NTRK3: variants seen among roughly 807,000 people sequenced by gnomAD.
NTRK3 encodes NT-3 growth factor receptor.
NTRK3 carries 24 observed loss-of-function variants against 91.7 expected under a neutral mutation model. The observed-to-expected ratio is 0.26, with a 90% CI of 0.19 to 0.37. The LOEUF (loss-of-function observed/expected upper bound fraction) is 0.37, where lower values mean the gene tolerates loss of function less well. NTRK3 is among the 10% of genes least tolerant of loss of function. NTRK3 has a pLI of 1.00. For synonymous variants in NTRK3, 483 were observed against 404.0 expected (o/e 1.20, Z -2.34); for missense variants, 880 against 1,068.9 (o/e 0.82, Z 2.46).
chr15:88,037,119 A>C (rs1198144091), intron 13 of NTRK3, among the ~76,000 whole-genome samples: 2 of 152,256 alleles, frequency 1.3e-5, no homozygotes, highest in Non-Finnish European at 2.9e-5. Context: ...AAGATCACCC[A>C]GGAAGACCTG....
At chr15:87,860,899 G>A in exon 19 of NTRK3, 1 of 222,002 alleles carries the variant, frequency 4.5e-6, no homozygotes, top group Non-Finnish European at 9.0e-6. Flanking sequence ...CCAGTTGAAA[G>A]CACCTCAACT....
intron 3 of NTRK3, among the ~76,000 whole-genome samples, chr15:88,214,823 C>G (rs1389315229): frequency 6.6e-6 from 1 of 152,238 alleles, no homozygotes; most frequent in South Asian, 2.1e-4. Context: ...GCTGGGCACA[C>G]ATCTGCCCCT....
chr15:87,877,622 T>C (rs2065011195), intron 18 of NTRK3, among the ~76,000 whole-genome samples: 1 of 152,062 alleles, frequency 6.6e-6, no homozygotes, highest in Admixed American at 6.5e-5. Flanking sequence ...TTGCAGACTC[T>C]GTGCACGTCA....
chr15:87,862,774 T>C (rs2064561111), exon 19 of NTRK3: 1 of 229,502 alleles, frequency 4.4e-6, no homozygotes, highest in Non-Finnish European at 8.6e-6. Flanking sequence ...ATTGTGATTG[T>C]TTAAGGCAAA....
intron 17 of NTRK3, among the ~76,000 whole-genome samples, chr15:87,911,087 A>T (rs754584970): frequency 3.9e-5 from 6 of 152,146 alleles, no homozygotes; most frequent in Non-Finnish European, 8.8e-5. Context: ...AGTTGAAAGG[A>T]GGGAGAAATG....
At chr15:87,978,892 A>T in intron 14 of NTRK3, 1 of 278,272 alleles carries the variant, frequency 3.6e-6, no homozygotes, top group Non-Finnish European at 6.9e-6. Flanking sequence ...CGAGGTCACT[A>T]AGAGGACAGC....
intron 13 of NTRK3, among the ~76,000 whole-genome samples, chr15:88,062,831 AG>A (rs1195318181): frequency 1.3e-5 from 2 of 152,232 alleles, no homozygotes; most frequent in Non-Finnish European, 2.9e-5. Context: ...TGGGCTACTG[AG>A]GGTCAGCCCT....
intron 13 of NTRK3, among the ~76,000 whole-genome samples, chr15:88,082,827 T>C (rs1437319373): frequency 6.6e-6 from 1 of 152,176 alleles, no homozygotes; most frequent in African/African-American, 2.4e-5. Flanking sequence ...TTACCCCTGA[T>C]TTATCTGATT....
At position 88,024,547 on chromosome 15, in the gene NTRK3, A is replaced by G. The variant is rs181970055; in HGVS notation, c.1585+8310T>C. On this transcript the variant is annotated intron_variant, in intron 14 of 18. Coordinates refer to ENST00000394480, the Ensembl canonical transcript of NTRK3. ...AATGTCATGAGAGTGAGGGGCCAAG[A>G]CGACGCCAAGACAGAGCTACCAGGT... Among the ~76,000 whole-genome samples the G allele has an allele frequency of 2.2e-4, 33 of 152,306 alleles. 1 individual carries two copies. In the East Asian group the frequency reaches 6.2e-3, roughly 29 times the overall value.
Position 87,965,368 on chromosome 15 carries a change from T to A in NTRK3, c.1586-24615A>T, listed in dbSNP as rs533185419. 1.4e-4 allele frequency among the ~76,000 whole-genome samples: 22 copies of A among 152,356 alleles called. 1 individual carries two copies. The South Asian group carries it at 4.1e-3, about 29-fold the overall frequency. On this transcript the variant is annotated intron_variant, in intron 14 of 18. Coordinates refer to ENST00000394480, the Ensembl canonical transcript of NTRK3. ...TTTACCTTTCTGTGACAGAGAGATA[T>A]TCTCACAATAGTCCACAGATGGGGA... is the stretch of plus-strand genomic sequence containing the variant.
At chr15:88,135,444 C>A (rs1443480433) in intron 9 of NTRK3, 47 bp from the exon 10 acceptor site, 1 of 1,596,132 alleles carries the variant, frequency 6.3e-7, no homozygotes, top group Admixed American at 1.7e-5. Flanking sequence ...GAGTCTACCA[C>A]CTCCTGCAGT....
intron 14 of NTRK3, among the ~76,000 whole-genome samples, chr15:87,961,659 C>G (rs1404889272): frequency 6.6e-6 from 1 of 152,236 alleles, no homozygotes; most frequent in Non-Finnish European, 1.5e-5. Context: ...AGGGTGCAGT[C>G]TGTCCCCTAA....
rs1161756987 is a variant in NTRK3, at chr15:88,243,180, C to T, written c.248+12726G>A. On this transcript the variant is annotated intron_variant, in intron 3 of 18. Coordinates refer to ENST00000394480, the Ensembl canonical transcript of NTRK3. The surrounding 1 kb of genome is among the most constrained non-coding windows in gnomAD (Gnocchi z 4.8). Reference sequence around the variant, plus strand: ...TTTCTGCCAAGAGAATAAAATTGCACCCCTCCTCCACGCCCTTGCCCCCTC... The same window carrying T: ...TTTCTGCCAAGAGAATAAAATTGCATCCCTCCTCCACGCCCTTGCCCCCTC... Among the ~76,000 whole-genome samples, 1 of 152,136 alleles carries T rather than the reference C, an allele frequency of 6.6e-6. No individual in the cohort carries two copies. Among genetic ancestry groups the T allele is most frequent in the Non-Finnish European group, 1.5e-5 (1 of 68,020 alleles).
At chr15:87,984,070 C>T (rs2074525735) in intron 14 of NTRK3, among the ~76,000 whole-genome samples, 1 of 152,008 alleles carries the variant, frequency 6.6e-6, no homozygotes, top group African/African-American at 2.4e-5. Context: ...GGGAGTTCAG[C>T]CTAGAGAGGA....
intron 10 of NTRK3, among the ~76,000 whole-genome samples, chr15:88,134,687 T>A (rs1306542923): frequency 6.6e-6 from 1 of 152,232 alleles, no homozygotes; most frequent in African/African-American, 2.4e-5. Flanking sequence ...TTTATATACC[T>A]TGACTCATTT....
At chr15:87,946,475 G>T (rs2070512825) in intron 14 of NTRK3, among the ~76,000 whole-genome samples, 1 of 152,310 alleles carries the variant, frequency 6.6e-6, no homozygotes, top group South Asian at 2.1e-4. Flanking sequence ...TGCTACCTCG[G>T]TGCTTTGGCT....
chr15:88,024,880 C>T (rs1160585319), intron 14 of NTRK3, among the ~76,000 whole-genome samples: 1 of 152,166 alleles, frequency 6.6e-6, no homozygotes, highest in Admixed American at 6.5e-5. Context: ...CAAGAGGTGC[C>T]AGTCTTTTAG....
At chr15:87,956,179 A>T (rs574187334) in intron 14 of NTRK3, among the ~76,000 whole-genome samples, 1 of 152,254 alleles carries the variant, frequency 6.6e-6, no homozygotes, top group African/African-American at 2.4e-5. Flanking sequence ...ATGGAAACTG[A>T]TTTTTCATCT....
At chr15:88,118,024 A>C (rs1191531977) in intron 13 of NTRK3, among the ~76,000 whole-genome samples, 5 of 152,202 alleles carry the variant, frequency 3.3e-5, no homozygotes, top group Non-Finnish European at 7.3e-5. Flanking sequence ...CACAGCACAA[A>C]GGGCAGTGGG....
Sources: gnomAD v4.1 joint callset for allele counts (sites outside exome capture counted in the v4.1 genomes callset) on GRCh38, gnomAD v4.1.1 for gene constraint, Gnocchi (gnomAD v3.1) non-coding constraint, MANE v1.5 for transcripts, NCBI Gene and HGNC (gene_info 2026-07-23, HGNC 2026-07-21) for gene names.